The following PTPRD variants were observed in gnomAD, a reference collection of about 807,000 sequenced individuals.
The protein encoded by PTPRD is receptor-type tyrosine-protein phosphatase delta.
PTPRD carries 34 observed loss-of-function variants against 214.5 expected under a neutral mutation model. The observed-to-expected ratio is 0.16, with a 90% CI of 0.12 to 0.21. The LOEUF is 0.21. Among genes scored for constraint, PTPRD ranks in the 10% least tolerant of loss-of-function variants. The probability of loss-of-function intolerance (pLI) is 1.00; values close to 1 mark genes in which losing one functional copy is unlikely to be tolerated. For missense variants in PTPRD, 2,545 were observed against 2,398.7 expected (o/e 1.06, Z -1.27); for synonymous variants, 1,128 against 845.7 (o/e 1.33, Z -5.79).
chr9:10,331,136 C>A (rs142845826), intron 3 of PTPRD, among the ~76,000 whole-genome samples: 137 of 151,968 alleles, frequency 9.0e-4, no homozygotes, highest in Non-Finnish European at 1.7e-3. Flanking sequence ...TCCATAAGAT[C>A]TAAGCCCTAT....
intron 3 of PTPRD, among the ~76,000 whole-genome samples, chr9:10,034,216 CT>C (rs35595227): frequency 2.6e-5 from 4 of 151,968 alleles, no homozygotes; most frequent in African/African-American, 9.7e-5. Context: ...CACAAACCCA[CT>C]TTTTTAATGC....
chr9:8,689,867 G>A (rs1000010816), intron 12 of PTPRD, among the ~76,000 whole-genome samples: 16 of 152,108 alleles, frequency 1.1e-4, no homozygotes, highest in African/African-American at 2.2e-4. Context: ...CAGCACTTTG[G>A]AAGGCAAAGG....
chr9:10,562,417 A>T (rs1028134624), intron 2 of PTPRD, among the ~76,000 whole-genome samples: 1 of 151,518 alleles, frequency 6.6e-6, no homozygotes. Context: ...ACTGTTCTGT[A>T]TGTTTGTCTG....
In PTPRD at chr9:9,135,021, C is replaced by A. The variant is rs75337873; in HGVS notation, c.-143+48283G>T. Among the ~76,000 whole-genome samples, 498 of 152,172 alleles carry A rather than the reference C, an allele frequency of 3.3e-3. 3 individuals are homozygous for A. The highest frequency in any genetic ancestry group is 0.012 in the African/African-American group (478 of 41,508). On this transcript the variant is annotated intron_variant, in intron 10 of 45. Transcript: ENST00000381196. ...AATGACACAGTCATGGACTCATATG[C>A]GCTTTATGATGCTTTACCTTGAATT...
chr9:10,351,040 A>T (rs2097173363), intron 2 of PTPRD, among the ~76,000 whole-genome samples: 1 of 152,142 alleles, frequency 6.6e-6, no homozygotes, highest in Non-Finnish European at 1.5e-5. Context: ...CATTTGAGCT[A>T]AGATACACAA....
chr9:9,505,258 A>G (rs1307279671), intron 8 of PTPRD, among the ~76,000 whole-genome samples: 2 of 151,630 alleles, frequency 1.3e-5, no homozygotes, highest in African/African-American at 4.8e-5. Context: ...CTTAGATTAA[A>G]TAATTAATCA....
chr9:9,781,603 A>AATAC (rs2098843207), intron 5 of PTPRD, among the ~76,000 whole-genome samples: 1 of 152,178 alleles, frequency 6.6e-6, no homozygotes, highest in East Asian at 1.9e-4. Flanking sequence ...AGCACACTGA[A>AATAC]ATACAGTAGG....
intron 9 of PTPRD, among the ~76,000 whole-genome samples, chr9:9,220,764 C>A (rs1245051899): frequency 6.6e-6 from 1 of 152,026 alleles, no homozygotes; most frequent in Non-Finnish European, 1.5e-5. Flanking sequence ...AGGCAAACCT[C>A]TATTTCACAA....
intron 11 of PTPRD, among the ~76,000 whole-genome samples, chr9:8,924,231 C>G (rs2098848172): frequency 1.2e-5 from 1 of 86,258 alleles, no homozygotes; most frequent in South Asian, 3.0e-4. Flanking sequence ...GGCAAAGTAT[C>G]AACCCAAAAT....
At chr9:10,302,852 C>T (rs1443962334) in intron 3 of PTPRD, among the ~76,000 whole-genome samples, 1 of 151,988 alleles carries the variant, frequency 6.6e-6, no homozygotes. Context: ...TTAGACAGAT[C>T]AAGACAGAAA....
At chr9:9,056,357 A>G (rs1259552865) in intron 10 of PTPRD, among the ~76,000 whole-genome samples, 2 of 152,186 alleles carry the variant, frequency 1.3e-5, no homozygotes, top group Admixed American at 6.5e-5. Flanking sequence ...AAGCCATAAA[A>G]AACATTTTGA....
intron 11 of PTPRD, among the ~76,000 whole-genome samples, chr9:8,957,908 A>T (rs904553490): frequency 6.6e-6 from 1 of 151,904 alleles, no homozygotes; most frequent in East Asian, 1.9e-4. Flanking sequence ...GAAAAAAAAA[A>T]TATCATTCTC....
At chr9:10,537,561 T>C (rs2058116360) in intron 2 of PTPRD, among the ~76,000 whole-genome samples, 1 of 152,170 alleles carries the variant, frequency 6.6e-6, no homozygotes, top group South Asian at 2.1e-4. Context: ...TTTCTTTACA[T>C]TGTTTTTTCT....
chr9:8,445,485 T>C (rs913540273), intron 34 of PTPRD, among the ~76,000 whole-genome samples: 1 of 149,680 alleles, frequency 6.7e-6, no homozygotes, highest in African/African-American at 2.6e-5. Flanking sequence ...GACAGGATAT[T>C]TTTTTTCATT....
At chr9:8,937,146 G>C (rs118124512) in intron 11 of PTPRD, among the ~76,000 whole-genome samples, 1 of 152,164 alleles carries the variant, frequency 6.6e-6, no homozygotes, top group East Asian at 1.9e-4. Context: ...GCTATATTGT[G>C]TTGAGTAACG....
intron 11 of PTPRD, among the ~76,000 whole-genome samples, chr9:8,913,368 C>T (rs1320289532): frequency 2.0e-5 from 3 of 152,048 alleles, no homozygotes; most frequent in African/African-American, 4.8e-5. Context: ...GAAGACATCT[C>T]TCTGTTGGAT....
chr9:8,677,285 G>C (rs2097444677), intron 12 of PTPRD, among the ~76,000 whole-genome samples: 1 of 152,160 alleles, frequency 6.6e-6, no homozygotes, highest in South Asian at 2.1e-4. Context: ...TTCATCAACA[G>C]TAGACAGGAT....
chr9:10,510,011 G>A lies in PTPRD; in HGVS notation c.-600+102387C>T, dbSNP rs1483645663. Among the ~76,000 whole-genome samples the A allele has an allele frequency of 2.6e-5, 4 of 151,890 alleles. 1 individual carries two copies. Among genetic ancestry groups the A allele is most frequent in the African/African-American group, 9.7e-5 (4 of 41,360 alleles). ...CAACAGAAAGAATTCGAGTTCTTATGATATAATATATTTAATACTTTGCTC... is the reference window on the plus strand; with the variant it reads ...CAACAGAAAGAATTCGAGTTCTTATAATATAATATATTTAATACTTTGCTC... On this transcript the variant is annotated intron_variant, in intron 2 of 45. Coordinates refer to ENST00000381196, the MANE Select transcript of PTPRD (RefSeq NM_002839.4).
chr9:9,650,124 C>A (rs2154372092), intron 7 of PTPRD, among the ~76,000 whole-genome samples: 1 of 152,152 alleles, frequency 6.6e-6, no homozygotes, highest in African/African-American at 2.4e-5. Flanking sequence ...GCTGTTCTCA[C>A]AACAATGAGA....
Sources: allele counts gnomAD v4.1 joint callset (sites outside exome capture counted in the v4.1 genomes callset), GRCh38; gene constraint gnomAD v4.1.1; transcripts MANE v1.5; gene names NCBI Gene and HGNC (gene_info 2026-07-23, HGNC 2026-07-21).